RHBDD1: variants seen among roughly 807,000 people sequenced by gnomAD.
RHBDD1 encodes rhomboid domain containing 1, also known as rhomboid-related protein 4.
In RHBDD1, 38 loss-of-function variants were observed where a neutral mutation model predicts 36.3. That is an observed-to-expected ratio of 1.05 (90% CI 0.81 to 1.37). RHBDD1 has a LOEUF of 1.37. Among genes scored for constraint, RHBDD1 ranks in the 40% most tolerant of loss-of-function variants. RHBDD1 has a pLI of 0.00. For synonymous variants in RHBDD1, 151 were observed against 136.5 expected (o/e 1.11, Z -0.74); for missense variants, 393 against 377.6 (o/e 1.04, Z -0.34).
chr2:226,912,146 A>G (rs919664410), intron 7 of RHBDD1, among the ~76,000 whole-genome samples: 3 of 152,162 alleles, frequency 2.0e-5, no homozygotes, highest in Non-Finnish European at 4.4e-5. Context: ...CATCAAAACC[A>G]CAGTGAGATA....
At chr2:226,868,916 C>T (rs1344119713) in intron 5 of RHBDD1, among the ~76,000 whole-genome samples, 3 of 152,168 alleles carry the variant, frequency 2.0e-5, no homozygotes, top group Non-Finnish European at 4.4e-5. Context: ...CTGAACAGCC[C>T]TCTCTATACC....
chr2:226,823,817 G>A, the RHBDD1 span, among the ~76,000 whole-genome samples: 2 of 152,144 alleles, frequency 1.3e-5, no homozygotes, highest in African/African-American at 2.4e-5. Context: ...GATGGCCTTC[G>A]TGCTGGATCA....
chr2:226,821,726 G>A, the RHBDD1 span, among the ~76,000 whole-genome samples: 1 of 151,814 alleles, frequency 6.6e-6, no homozygotes, highest in South Asian at 2.1e-4. Context: ...CACTATAAAA[G>A]TTTTAATAAA....
chr2:226,924,826 C>G (rs1304561993), intron 8 of RHBDD1, among the ~76,000 whole-genome samples: 2 of 152,200 alleles, frequency 1.3e-5, no homozygotes, highest in Non-Finnish European at 2.9e-5. Flanking sequence ...ACTGTGCTCT[C>G]CCTCCCCCAA....
chr2:226,849,611 C>G (rs1001648660), intron 3 of RHBDD1, among the ~76,000 whole-genome samples: 6 of 152,252 alleles, frequency 3.9e-5, no homozygotes, highest in African/African-American at 1.4e-4. Flanking sequence ...CTTTCTCTGG[C>G]CCCGGATGTC....
At chr2:226,904,763 T>C (rs142795456) in intron 5 of RHBDD1, among the ~76,000 whole-genome samples, 101 of 152,282 alleles carry the variant, frequency 6.6e-4, no homozygotes, top group African/African-American at 2.3e-3. Flanking sequence ...ATCTTGCTTG[T>C]GGTGTTTCAG....
intron 8 of RHBDD1, chr2:226,988,613 TC>T: frequency 1.5e-6 from 2 of 1,354,686 alleles, no homozygotes; most frequent in Non-Finnish European, 1.9e-6. Flanking sequence ...CAGCTGCCCC[TC>T]CGAGCAGACA....
chr2:226,812,452 A>G, the RHBDD1 span, among the ~76,000 whole-genome samples: 2 of 152,378 alleles, frequency 1.3e-5, no homozygotes, highest in Admixed American at 1.3e-4. Flanking sequence ...TTATTTTCTC[A>G]TAGAAAATGT....
intron 4 of RHBDD1, among the ~76,000 whole-genome samples, chr2:226,866,275 C>T (rs531227975): frequency 7.9e-5 from 12 of 152,150 alleles, no homozygotes; most frequent in Admixed American, 5.2e-4. Context: ...TTTCACCATG[C>T]TGGCCAGGAT....
intron 5 of RHBDD1, among the ~76,000 whole-genome samples, chr2:226,888,470 C>T (rs1946413567): frequency 6.6e-6 from 1 of 151,440 alleles, no homozygotes; most frequent in Admixed American, 6.6e-5. Flanking sequence ...AAAATCCAAA[C>T]CACCAGTGAC....
intron 5 of RHBDD1, chr2:226,867,809 C>A (rs563201855): frequency 1.0e-3 from 311 of 296,282 alleles, no homozygotes; most frequent in African/African-American, 6.7e-3. Context: ...ACCTCCACCC[C>A]CTGGGTTCAA....
At chr2:226,860,564 ATTTGATC>A (rs1943761551) in intron 3 of RHBDD1, among the ~76,000 whole-genome samples, 1 of 152,160 alleles carries the variant, frequency 6.6e-6, no homozygotes, top group African/African-American at 2.4e-5. Context: ...CAGGTTACAG[ATTTGATC>A]TTTACATGGA....
intron 8 of RHBDD1, among the ~76,000 whole-genome samples, chr2:226,953,663 A>G (rs1432382114): frequency 6.6e-6 from 1 of 152,216 alleles, no homozygotes; most frequent in African/African-American, 2.4e-5. Context: ...CGTGCTGACC[A>G]TCGTGAGCTA....
the RHBDD1 span, among the ~76,000 whole-genome samples, chr2:226,828,971 C>G: frequency 2.0e-5 from 3 of 152,062 alleles, no homozygotes; most frequent in African/African-American, 4.8e-5. Context: ...TTTGCCTAAT[C>G]TAAGATGACA....
intron 5 of RHBDD1, among the ~76,000 whole-genome samples, chr2:226,888,503 G>A (rs1265368822): frequency 1.3e-5 from 2 of 151,984 alleles, no homozygotes; most frequent in East Asian, 1.9e-4. Flanking sequence ...GGTCTAGAGT[G>A]TCTAATTGGG....
Position 226,988,365 on chromosome 2 carries a change from T to C in RHBDD1, c.857-7066T>C, listed in dbSNP as rs116011405. The stretch of plus-strand genomic sequence containing the variant: ...GGTCATAAAGAGACAATGGCAAGTC[T>C]CCTGGACCCCAAGATAAAGGTCAGA... On this transcript the variant is annotated intron_variant, in intron 8 of 8. Transcript: ENST00000392062. The C allele has an allele frequency of 1.1e-3, 1,741 of 1,550,308 alleles. 19 individuals carry two copies. In the African/African-American group the frequency reaches 0.02, roughly 18 times the overall value.
intron 3 of RHBDD1, among the ~76,000 whole-genome samples, chr2:226,854,426 C>G (rs1008513863): frequency 1.3e-5 from 2 of 151,914 alleles, no homozygotes; most frequent in African/African-American, 4.8e-5. Flanking sequence ...AACCCTGTCT[C>G]TACTAAAAAA....
chr2:226,933,642 G>C (rs1474111065), intron 8 of RHBDD1, among the ~76,000 whole-genome samples: 3 of 152,008 alleles, frequency 2.0e-5, no homozygotes, highest in African/African-American at 7.2e-5. Flanking sequence ...TCAGGTCTTT[G>C]ATGGGTTCAA....
At chr2:226,937,043 A>G (rs1467170293) in intron 8 of RHBDD1, among the ~76,000 whole-genome samples, 1 of 152,168 alleles carries the variant, frequency 6.6e-6, no homozygotes, top group East Asian at 1.9e-4. Context: ...ATTATAATAC[A>G]GTGATTTAGA....
Sources: allele counts gnomAD v4.1 joint callset (sites outside exome capture counted in the v4.1 genomes callset), GRCh38; gene constraint gnomAD v4.1.1; transcripts MANE v1.5; gene names NCBI Gene and HGNC (gene_info 2026-07-23, HGNC 2026-07-21).